MAGI1: variants seen among roughly 807,000 people sequenced by gnomAD.
The protein encoded by MAGI1 is membrane associated guanylate kinase, WW and PDZ domain containing 1.
Under a neutral mutation model 139.9 loss-of-function variants are expected in MAGI1, and 58 were observed. The observed-to-expected ratio is 0.41, with a 90% CI of 0.34 to 0.52. The LOEUF (loss-of-function observed/expected upper bound fraction) is 0.52. Ranked by LOEUF, MAGI1 falls within the 20% of genes least tolerant of loss-of-function variation. MAGI1 has a pLI of 0.12. For synonymous variants in MAGI1, 812 were observed against 737.9 expected (o/e 1.10, Z -1.63); for missense variants, 1,874 against 1,901.6 (o/e 0.99, Z 0.27).
intron 12 of MAGI1, among the ~76,000 whole-genome samples, chr3:65,419,359 ACTTAT>A (rs373855607): frequency 6.6e-5 from 10 of 152,262 alleles, no homozygotes; most frequent in Admixed American, 2.0e-4. Context: ...ATAAAAAAGG[ACTTAT>A]CTTCAGTGAG....
chr3:65,467,715 C>T (rs1426929977), intron 5 of MAGI1, among the ~76,000 whole-genome samples: 1 of 152,192 alleles, frequency 6.6e-6, no homozygotes, highest in East Asian at 1.9e-4. Flanking sequence ...TCAAGTCAGT[C>T]TTGAACAAAA....
intron 1 of MAGI1, among the ~76,000 whole-genome samples, chr3:65,973,732 T>C (rs2065117921): frequency 6.6e-6 from 1 of 152,244 alleles, no homozygotes; most frequent in Non-Finnish European, 1.5e-5. Context: ...TGAGGATTAA[T>C]AAAAGAAATG....
chr3:65,492,995 A>G (rs556200530), intron 3 of MAGI1, among the ~76,000 whole-genome samples: 63 of 150,954 alleles, frequency 4.2e-4, no homozygotes, highest in South Asian at 1.1e-3. Flanking sequence ...GGAGAATGGC[A>G]TGAACCCAGG....
At chr3:65,657,641 C>T (rs1472152926) in intron 1 of MAGI1, among the ~76,000 whole-genome samples, 1 of 152,110 alleles carries the variant, frequency 6.6e-6, no homozygotes, top group Admixed American at 6.5e-5. Flanking sequence ...GGAATGACAA[C>T]ATCACGAAAG....
chr3:65,529,712 A>T (rs2078551620), intron 2 of MAGI1, among the ~76,000 whole-genome samples: 1 of 152,224 alleles, frequency 6.6e-6, no homozygotes, highest in East Asian at 1.9e-4. Flanking sequence ...TTCAATTCTT[A>T]TGAGTACATA....
intron 1 of MAGI1, among the ~76,000 whole-genome samples, chr3:65,799,710 G>A (rs183644545): frequency 8.5e-4 from 130 of 152,292 alleles, no homozygotes; most frequent in African/African-American, 2.9e-3. Context: ...AAGAGCAGCT[G>A]ACATGTCAGT....
intron 1 of MAGI1, among the ~76,000 whole-genome samples, chr3:66,015,186 A>G (rs1453066884): frequency 6.6e-6 from 1 of 151,852 alleles, no homozygotes; most frequent in Admixed American, 6.6e-5. Context: ...CTACAAAAAA[A>G]AAAAAAAAAA....
chr3:65,901,494 G>T (rs950397568), intron 1 of MAGI1, among the ~76,000 whole-genome samples: 1 of 152,194 alleles, frequency 6.6e-6, no homozygotes, highest in Non-Finnish European at 1.5e-5. Context: ...ACGCTGCAAA[G>T]GGGAAGCAAT....
chr3:65,402,342 G>A (rs1238180172), intron 12 of MAGI1, among the ~76,000 whole-genome samples: 1 of 152,198 alleles, frequency 6.6e-6, no homozygotes, highest in Non-Finnish European at 1.5e-5. Flanking sequence ...GGAGCTGGAA[G>A]GGACAAGTGA....
At chr3:65,703,599 G>A (rs898512031) in intron 1 of MAGI1, among the ~76,000 whole-genome samples, 1 of 152,130 alleles carries the variant, frequency 6.6e-6, no homozygotes, top group Non-Finnish European at 1.5e-5. Context: ...TGGATATCTT[G>A]CAGTCATCTC....
chr3:65,733,248 T>C (rs986879371), intron 1 of MAGI1, among the ~76,000 whole-genome samples: 3 of 152,226 alleles, frequency 2.0e-5, no homozygotes, highest in East Asian at 3.9e-4. Context: ...TTAGTAGAAA[T>C]GGGATTTCAC....
intron 2 of MAGI1, among the ~76,000 whole-genome samples, chr3:65,593,464 T>C (rs2082054620): frequency 6.6e-6 from 1 of 152,160 alleles, no homozygotes; most frequent in Non-Finnish European, 1.5e-5. Context: ...AATTCAACAG[T>C]GAGCAGAGTA....
chr3:65,385,460 T>A (rs894601062), intron 14 of MAGI1, among the ~76,000 whole-genome samples: 2 of 152,222 alleles, frequency 1.3e-5, no homozygotes, highest in African/African-American at 4.8e-5. Flanking sequence ...AGCGCAGGCC[T>A]GAGAATTTAA....
At chr3:65,530,662 T>TATATATATAC (rs2078621547) in intron 2 of MAGI1, among the ~76,000 whole-genome samples, 1 of 126,548 alleles carries the variant, frequency 7.9e-6, no homozygotes, top group African/African-American at 3.3e-5. Context: ...TGTGTGTGTG[T>TATATATATAC]ATATATATAT....
At chr3:65,561,100 G>A (rs1295595710) in intron 2 of MAGI1, among the ~76,000 whole-genome samples, 1 of 152,074 alleles carries the variant, frequency 6.6e-6, no homozygotes, top group East Asian at 1.9e-4. Flanking sequence ...CTGTACCTGA[G>A]GTTTTTGTCA....
chr3:65,823,643 G>C (rs1429557809), intron 1 of MAGI1, among the ~76,000 whole-genome samples: 1 of 152,110 alleles, frequency 6.6e-6, no homozygotes, highest in East Asian at 1.9e-4. Flanking sequence ...GGCTTCTCCT[G>C]CAGTACTGAC....
intron 1 of MAGI1, among the ~76,000 whole-genome samples, chr3:65,850,882 G>A (rs373633834): frequency 6.6e-6 from 1 of 152,246 alleles, no homozygotes; most frequent in Admixed American, 6.5e-5. Context: ...CGAGGCGGGC[G>A]GATCACCTGA....
intron 3 of MAGI1, among the ~76,000 whole-genome samples, chr3:65,482,522 G>C (rs775554822): frequency 6.6e-6 from 1 of 152,176 alleles, no homozygotes; most frequent in East Asian, 1.9e-4. Flanking sequence ...TGTGAAATGG[G>C]AATGGTAGCA....
At chr3:65,426,595 C>T (rs1947061662) in intron 12 of MAGI1, among the ~76,000 whole-genome samples, 2 of 152,126 alleles carry the variant, frequency 1.3e-5, no homozygotes, top group Non-Finnish European at 2.9e-5. Context: ...GTAAAGTGGG[C>T]ATTTACTTTC....
Sources: gnomAD v4.1 joint callset for allele counts (sites outside exome capture counted in the v4.1 genomes callset) on GRCh38, gnomAD v4.1.1 for gene constraint, MANE v1.5 for transcripts, NCBI Gene and HGNC (gene_info 2026-07-23, HGNC 2026-07-21) for gene names.